The following ATP10B variants were observed in gnomAD, a reference collection of about 807,000 sequenced individuals.
The protein encoded by ATP10B is ATPase phospholipid transporting 10B (putative), also known as phospholipid-transporting ATPase VB.
ATP10B carries 122 observed loss-of-function variants against 141.2 expected under a neutral mutation model. That is an observed-to-expected ratio of 0.86 (90% CI 0.75 to 1.00). ATP10B has a LOEUF of 1.00. Ranked by LOEUF, ATP10B falls within the 50% of genes least tolerant of loss-of-function variation. ATP10B has a pLI of 0.00. For missense variants in ATP10B, 1,876 were observed against 1,825.3 expected (o/e 1.03, Z -0.51); for synonymous variants, 685 against 692.0 (o/e 0.99, Z 0.16).
At chr5:160,792,420 T>A (rs181196558) in intron 1 of ATP10B, among the ~76,000 whole-genome samples, 2 of 152,244 alleles carry the variant, frequency 1.3e-5, no homozygotes, top group Non-Finnish European at 2.9e-5. Flanking sequence ...GACTTCAGAG[T>A]CAAGTCTCTT....
At chr5:160,909,156 C>A in the ATP10B span, among the ~76,000 whole-genome samples, 1 of 152,138 alleles carries the variant, frequency 6.6e-6, no homozygotes, top group African/African-American at 2.4e-5. Flanking sequence ...TAGAGAAGGG[C>A]AGGCACTGAG....
At chr5:160,673,956 CA>C (rs796992698) in intron 6 of ATP10B, among the ~76,000 whole-genome samples, 1 of 152,148 alleles carries the variant, frequency 6.6e-6, no homozygotes, top group Non-Finnish European at 1.5e-5. Flanking sequence ...AATATTATAG[CA>C]AAATTGTCCC....
At chr5:160,581,284 T>C (rs1185553342) in intron 24 of ATP10B, among the ~76,000 whole-genome samples, 1 of 152,222 alleles carries the variant, frequency 6.6e-6, no homozygotes, top group Non-Finnish European at 1.5e-5. Context: ...CCTCTGGGCA[T>C]TTAGTGCTAT....
the ATP10B span, among the ~76,000 whole-genome samples, chr5:160,864,036 A>G: frequency 6.6e-6 from 1 of 151,994 alleles, no homozygotes; most frequent in African/African-American, 2.4e-5. Context: ...ATTGGTGCCA[A>G]TCCTACTGAA....
chr5:160,787,120 A>ACACACAC (rs1554116278), intron 1 of ATP10B, among the ~76,000 whole-genome samples: 1 of 120,234 alleles, frequency 8.3e-6, no homozygotes, highest in African/African-American at 3.0e-5. Flanking sequence ...ACACACACAC[A>ACACACAC]CACACACACA....
At chr5:160,647,698 C>T (rs764716140) in intron 8 of ATP10B, among the ~76,000 whole-genome samples, 16 of 152,182 alleles carry the variant, frequency 1.1e-4, no homozygotes. Context: ...GTTCACAAAC[C>T]TAAGGCACAA....
chr5:160,889,960 C>T, the ATP10B span, among the ~76,000 whole-genome samples: 2 of 152,286 alleles, frequency 1.3e-5, no homozygotes, highest in African/African-American at 4.8e-5. Flanking sequence ...ATCTTGATCC[C>T]TCTCCTCCTC....
chr5:160,817,533 T>C (rs185183349), intron 1 of ATP10B, among the ~76,000 whole-genome samples: 273 of 152,270 alleles, frequency 1.8e-3, no homozygotes, highest in African/African-American at 6.4e-3. Context: ...TCCATGCTCA[T>C]GGGTAGGAAG....
upstream of ATP10B, among the ~76,000 whole-genome samples, chr5:160,854,341 T>C (rs1366721706): frequency 6.6e-6 from 1 of 151,934 alleles, no homozygotes; most frequent in South Asian, 2.1e-4. Context: ...CCCCAACCCC[T>C]GACAGGCCCC....
chr5:160,918,797 G>T, the ATP10B span, among the ~76,000 whole-genome samples: 1 of 152,088 alleles, frequency 6.6e-6, no homozygotes, highest in East Asian at 1.9e-4. Flanking sequence ...GATTTCCTAG[G>T]TAAAGGGAGA....
At chr5:160,671,266 G>A (rs1762690958) in intron 6 of ATP10B, among the ~76,000 whole-genome samples, 1 of 149,176 alleles carries the variant, frequency 6.7e-6, no homozygotes, top group African/African-American at 2.5e-5. Flanking sequence ...ACCAAGTTCT[G>A]TGTTCAGCCC....
chr5:160,783,299 T>C (rs1770854432), intron 2 of ATP10B, among the ~76,000 whole-genome samples: 1 of 151,458 alleles, frequency 6.6e-6, no homozygotes, highest in South Asian at 2.1e-4. Flanking sequence ...TTACTTCACT[T>C]AGACTAATAG....
At chr5:160,870,117 G>A in the ATP10B span, among the ~76,000 whole-genome samples, 1 of 152,022 alleles carries the variant, frequency 6.6e-6, no homozygotes, top group South Asian at 2.1e-4. Flanking sequence ...CTTCCACGTG[G>A]GAGAAGAAAA....
intron 7 of ATP10B, 93 bp from the exon 8 acceptor site, chr5:160,649,349 C>A: frequency 4.6e-6 from 4 of 868,624 alleles, no homozygotes; most frequent in East Asian, 2.6e-5. Context: ...AGAACCATTG[C>A]AAATAAGGTA....
chr5:160,867,288 GC>G, the ATP10B span, among the ~76,000 whole-genome samples: 1 of 151,924 alleles, frequency 6.6e-6, no homozygotes, highest in East Asian at 1.9e-4. Flanking sequence ...TAATATCTGG[GC>G]CCACTGAAAG....
At position 160,565,530 on chromosome 5, in the gene ATP10B, A is replaced by G; in HGVS notation, c.4309T>C (p.Ser1437Pro). The G allele has an allele frequency of 6.2e-7, 1 of 1,614,050 alleles. No individual in the cohort carries two copies. Among genetic ancestry groups the G allele is most frequent in the Non-Finnish European group, 8.5e-7 (1 of 1,179,960 alleles). ...LLGPNRIMAY[S>P]RGQTDMCRCS... ...CGGCACATATCAGTCTGTCCTCTTG[A>G]GTAGGCCATTATCCTGTTAGGTCCC... is the stretch of plus-strand genomic sequence containing the variant. The change falls in exon 26 of 26, where the codon TCA becomes CCA. Residue 1437 changes from serine (S) to proline (P), a missense_variant. By Grantham distance (74) the Ser-to-Pro change is moderately conservative (BLOSUM62 -1). Coordinates refer to ENST00000327245, the MANE Select transcript of ATP10B (RefSeq NM_025153.3).
the ATP10B span, among the ~76,000 whole-genome samples, chr5:160,876,552 A>T: frequency 3.4e-5 from 5 of 148,342 alleles, no homozygotes; most frequent in Non-Finnish European, 6.0e-5. Context: ...GAACTGAAGG[A>T]AATAGAGACA....
In ATP10B at chr5:160,813,231, T is replaced by C. The variant is rs554327728; in HGVS notation, c.-575-27428A>G. Among the ~76,000 whole-genome samples the C allele has an allele frequency of 1.4e-3, 220 of 152,306 alleles. 1 individual carries two copies. The highest frequency in any genetic ancestry group is 0.014 in the Middle Eastern group (4 of 294). On this transcript the variant is annotated intron_variant, in intron 1 of 25. Coordinates refer to ENST00000327245, the MANE Select transcript of ATP10B (RefSeq NM_025153.3). ...CAAGGGGTCAGGGAATTCCCTTTCC[T>C]AGTCAAAGAAAGGGGTGACAGATGG...
Position 160,721,481 on chromosome 5 carries a change from A to G in ATP10B, c.-330-4447T>C, listed in dbSNP as rs189985419. On this transcript the variant is annotated intron_variant, in intron 2 of 25. Transcript: ENST00000327245. Reference sequence around the variant, plus strand: ...CAGTGCCCCTCAAGATTTCCAGTGAAGCTTCTGAAAATTAAACTTTTAAAT... The same window carrying G: ...CAGTGCCCCTCAAGATTTCCAGTGAGGCTTCTGAAAATTAAACTTTTAAAT... 2.0e-5 allele frequency among the ~76,000 whole-genome samples: 3 copies of G among 152,310 alleles called. 1 individual carries two copies. The highest frequency in any genetic ancestry group is 7.2e-5 in the African/African-American group (3 of 41,570).
Sources: allele counts gnomAD v4.1 joint callset (sites outside exome capture counted in the v4.1 genomes callset), GRCh38; gene constraint gnomAD v4.1.1; transcripts MANE v1.5; gene names NCBI Gene and HGNC (gene_info 2026-07-23, HGNC 2026-07-21).